YPEL2: variants seen among roughly 807,000 people sequenced by gnomAD.
YPEL2 encodes the protein protein yippee-like 2.
YPEL2 carries 2 observed loss-of-function variants against 19.1 expected under a neutral mutation model. The observed-to-expected ratio is 0.10, with a 90% CI of 0.04 to 0.33. The LOEUF (loss-of-function observed/expected upper bound fraction) is 0.33, where lower values mean the gene tolerates loss of function less well. YPEL2 is among the 10% of genes least tolerant of loss of function. The probability of loss-of-function intolerance (pLI) is 1.00; values close to 1 mark genes in which losing one functional copy is unlikely to be tolerated. For synonymous variants in YPEL2, 52 were observed against 50.0 expected, an observed-to-expected ratio of 1.04 and a Z score of -0.17; for missense variants, 66 against 140.7, an observed-to-expected ratio of 0.47 and a Z score of 2.68.
intron 2 of YPEL2, among the ~76,000 whole-genome samples, chr17:59,373,828 A>G (rs2047908153): frequency 2.0e-5 from 3 of 152,220 alleles, no homozygotes. Context: ...GTTGGCCAAG[A>G]AAGATTGAGC....
At position 59,353,346 on chromosome 17, in the gene YPEL2, C is replaced by A; in HGVS notation, c.-64C>A. On this transcript the variant is annotated 5_prime_UTR_variant, in exon 2 of 5. Transcript: ENST00000312655. This position sits in a 1 kb window ranked among gnomAD's most constrained non-coding sequence, Gnocchi z 4.8. Reference sequence around the variant, plus strand: ...CCTGTGTCTTCCGGTGTTTCCCGTGCGACCCATCCTGTGGGAGTGCCTCGT... The same window carrying A: ...CCTGTGTCTTCCGGTGTTTCCCGTGAGACCCATCCTGTGGGAGTGCCTCGT... 1 of 1,232,336 alleles carries A rather than the reference C, an allele frequency of 8.1e-7. No individual in the cohort carries two copies. The highest frequency in any genetic ancestry group is 1.1e-6 in the Non-Finnish European group (1 of 871,042). 76.3% of individuals were successfully genotyped at this position (1,232,336 alleles called of 1,614,324 possible). A position where few individuals can be genotyped will look rare whatever the true frequency, so the allele number is the denominator to read the frequency against.
chr17:59,369,072 G>A (rs2047884385), intron 2 of YPEL2, among the ~76,000 whole-genome samples: 1 of 151,050 alleles, frequency 6.6e-6, no homozygotes, highest in African/African-American at 2.4e-5. Context: ...GGGTTTGCAG[G>A]TCCTGGGCCC....
At chr17:59,344,902 C>T (rs1282467759) in intron 1 of YPEL2, among the ~76,000 whole-genome samples, 1 of 152,166 alleles carries the variant, frequency 6.6e-6, no homozygotes, top group Non-Finnish European at 1.5e-5. Flanking sequence ...AGCAGTGGTC[C>T]CCAACCTTTT....
chr17:59,360,051 C>T (rs1345374939), intron 2 of YPEL2, among the ~76,000 whole-genome samples: 1 of 152,108 alleles, frequency 6.6e-6, no homozygotes, highest in African/African-American at 2.4e-5. Context: ...AGGCATGCGC[C>T]ACCACACCCA....
At chr17:59,377,796 T>G (rs1598046236) in intron 2 of YPEL2, among the ~76,000 whole-genome samples, 1 of 152,322 alleles carries the variant, frequency 6.6e-6, no homozygotes, top group African/African-American at 2.4e-5. Flanking sequence ...TGGAAGAATC[T>G]GGGGTGCTCA....
intron 1 of YPEL2, among the ~76,000 whole-genome samples, chr17:59,341,561 A>G (rs1364340410): frequency 6.6e-6 from 1 of 152,112 alleles, no homozygotes; most frequent in Non-Finnish European, 1.5e-5. Flanking sequence ...TGGGAGGCGG[A>G]GGCAGGAGAA....
intron 1 of YPEL2, among the ~76,000 whole-genome samples, chr17:59,344,305 A>G (rs9893761): frequency 0.77 from 116,590 of 152,092 alleles, 45,581 homozygotes; most frequent in African/African-American, 0.91. Context: ...TCAGAGGCAC[A>G]TGGCAGAAGC....
At chr17:59,376,629 G>A (rs1406340621) in intron 2 of YPEL2, among the ~76,000 whole-genome samples, 1 of 152,118 alleles carries the variant, frequency 6.6e-6, no homozygotes, top group East Asian at 1.9e-4. Context: ...TTTGTTGAGA[G>A]GATTAAGTTA....
intron 2 of YPEL2, among the ~76,000 whole-genome samples, chr17:59,372,708 G>T (rs1313697827): frequency 6.6e-6 from 1 of 152,222 alleles, no homozygotes; most frequent in African/African-American, 2.4e-5. Context: ...CAAAGCAGAT[G>T]CCTAAGAGAG....
intron 1 of YPEL2, among the ~76,000 whole-genome samples, chr17:59,339,152 T>C (rs1015247210): frequency 7.0e-6 from 1 of 143,250 alleles, no homozygotes; most frequent in Non-Finnish European, 1.5e-5. Flanking sequence ...TTTTACCACT[T>C]CGGTCTTTGT....
At chr17:59,369,597 C>G (rs1054121588) in intron 2 of YPEL2, among the ~76,000 whole-genome samples, 1 of 152,220 alleles carries the variant, frequency 6.6e-6, no homozygotes, top group Non-Finnish European at 1.5e-5. Context: ...GACCCTAGTC[C>G]CAGACCCACT....
At chr17:59,331,897 T>TCCCCGG (rs937613982) in intron 1 of YPEL2, 73 bp downstream of exon 1, 2 of 151,102 alleles carry the variant, frequency 1.3e-5, no homozygotes, top group African/African-American at 4.9e-5. Context: ...GGGCTCTGGG[T>TCCCCGG]CCCCGGCCCC....
At chr17:59,393,520 T>G (rs1166346121) in intron 4 of YPEL2, among the ~76,000 whole-genome samples, 1 of 150,302 alleles carries the variant, frequency 6.7e-6, no homozygotes, top group Non-Finnish European at 1.5e-5. Context: ...TTTTATTTAT[T>G]TATTTATTTT....
intron 2 of YPEL2, among the ~76,000 whole-genome samples, chr17:59,356,739 G>C (rs754291532): frequency 9.9e-5 from 15 of 152,236 alleles, no homozygotes; most frequent in Admixed American, 1.3e-4. Context: ...GGAAGTCCAA[G>C]TTCAAGGCAC....
In YPEL2 at chr17:59,401,204, C is replaced by T. The variant is rs2048069415; in HGVS notation, c.*4014C>T. ...AGATTGCCTCAGGTTTAGAAAGAGG[C>T]TGAGAAATCAAATCTTGAACACAAT... On this transcript the variant is annotated 3_prime_UTR_variant, in exon 5 of 5. Transcript: ENST00000312655. 1 of 151,614 alleles carries T rather than the reference C, an allele frequency of 6.6e-6. No individual in the cohort carries two copies. 9.4% of individuals were successfully genotyped at this position (151,614 alleles called of 1,614,324 possible).
chr17:59,388,408 A>G (rs1171038263), intron 3 of YPEL2, 38 bp downstream of exon 3: 1 of 1,603,268 alleles, frequency 6.2e-7, no homozygotes, highest in African/African-American at 1.3e-5. Context: ...TGTGGGGTAC[A>G]GATTCGAGGG....
intron 4 of YPEL2, among the ~76,000 whole-genome samples, chr17:59,391,398 C>T (rs1240286728): frequency 3.3e-5 from 5 of 151,926 alleles, no homozygotes; most frequent in Admixed American, 6.6e-5. Flanking sequence ...TAATGCTGCT[C>T]TAAAAATAAC....
Position 59,384,807 on chromosome 17 carries a change from G to T in YPEL2, c.118-3520G>T, listed in dbSNP as rs542490585. On this transcript the variant is annotated intron_variant, in intron 2 of 4. Transcript: ENST00000312655. The stretch of plus-strand genomic sequence containing the variant: ...CTCCCTGTATTTCTAATTGTGTCTG[G>T]CAGAGAGTCAGTGATCTAGGAGTGA... 9.9e-5 allele frequency among the ~76,000 whole-genome samples: 15 copies of T among 152,252 alleles called. No individual in the cohort carries two copies. The East Asian group carries it at 2.7e-3, about 27-fold the overall frequency.
Position 59,353,765 on chromosome 17 carries a change from C to T in YPEL2, c.117+239C>T. On this transcript the variant is annotated intron_variant, in intron 2 of 4. Transcript: ENST00000312655. The surrounding 1 kb of genome is among the most constrained non-coding windows in gnomAD (Gnocchi z 4.8). ...CCTTGTTGGAGGCTTTGGGAGCTGG[C>T]AGCTTGCAAGCCAGAGAAGGGAGGG... The T allele has an allele frequency of 8.4e-6, 4 of 476,814 alleles. No homozygotes were observed. Among genetic ancestry groups the T allele is most frequent in the Non-Finnish European group, 1.6e-5 (4 of 252,810 alleles). 29.5% of individuals were successfully genotyped at this position (476,814 alleles called of 1,614,324 possible). A position where few individuals can be genotyped will look rare whatever the true frequency, so the allele number is the denominator to read the frequency against.
Sources: allele counts gnomAD v4.1 joint callset (sites outside exome capture counted in the v4.1 genomes callset), GRCh38; gene constraint gnomAD v4.1.1; non-coding constraint Gnocchi (gnomAD v3.1); transcripts MANE v1.5; gene names NCBI Gene and HGNC (gene_info 2026-07-23, HGNC 2026-07-21).